CADM2: variants seen among roughly 807,000 people sequenced by gnomAD.
CADM2 encodes immunoglobulin superfamily member 4D.
A neutral mutation model predicts 49.8 loss-of-function variants in CADM2; 12 were observed. The observed-to-expected ratio is 0.24, with a 90% CI of 0.15 to 0.39. The LOEUF (loss-of-function observed/expected upper bound fraction) is 0.39, where lower values mean the gene tolerates loss of function less well. CADM2 is among the 10% of genes least tolerant of loss of function. The pLI is 1.00. For missense variants in CADM2, 378 were observed against 492.3 expected (o/e 0.77, Z 2.20); for synonymous variants, 214 against 175.4 (o/e 1.22, Z -1.74).
intron 1 of CADM2, among the ~76,000 whole-genome samples, chr3:85,205,064 C>T (rs567285963): frequency 6.7e-6 from 1 of 148,580 alleles, no homozygotes; most frequent in South Asian, 2.1e-4. Context: ...GTCACCTAGG[C>T]TGGAGTGCAG....
At chr3:86,008,000 A>C (rs1731000469) in intron 8 of CADM2, among the ~76,000 whole-genome samples, 2 of 152,212 alleles carry the variant, frequency 1.3e-5, no homozygotes, top group Admixed American at 1.3e-4. Context: ...ATTTGAAAGC[A>C]AATTTTCCTA....
intron 1 of CADM2, among the ~76,000 whole-genome samples, chr3:85,394,527 GC>G (rs2034674507): frequency 6.6e-6 from 1 of 151,960 alleles, no homozygotes; most frequent in African/African-American, 2.4e-5. Context: ...AATTGTAAAA[GC>G]AATAACTCCT....
chr3:85,344,363 G>C (rs2030320476), intron 1 of CADM2, among the ~76,000 whole-genome samples: 1 of 149,626 alleles, frequency 6.7e-6, no homozygotes, highest in Admixed American at 6.8e-5. Context: ...CCCAGCGACA[G>C]AGTGAGACAC....
At chr3:85,607,808 C>A (rs991830762) in intron 1 of CADM2, among the ~76,000 whole-genome samples, 4 of 151,922 alleles carry the variant, frequency 2.6e-5, no homozygotes, top group African/African-American at 9.7e-5. Context: ...AGGCACAGGC[C>A]ACCATGCCCA....
chr3:84,978,755 C>G (rs1484957149), intron 1 of CADM2, among the ~76,000 whole-genome samples: 1 of 152,090 alleles, frequency 6.6e-6, no homozygotes, highest in African/African-American at 2.4e-5. Flanking sequence ...GGAATTATAA[C>G]TGAATTATAT....
chr3:85,700,083 C>G (rs1192106194), intron 1 of CADM2, among the ~76,000 whole-genome samples: 1 of 152,144 alleles, frequency 6.6e-6, no homozygotes, highest in East Asian at 1.9e-4. Context: ...TTGGAACCAA[C>G]CCAAACATCC....
chr3:85,849,811 T>C (rs2075024028), intron 3 of CADM2, among the ~76,000 whole-genome samples: 2 of 152,156 alleles, frequency 1.3e-5, no homozygotes, highest in South Asian at 4.1e-4. Context: ...AAATGCTAGA[T>C]TTAAAAGTAC....
chr3:85,179,446 T>C (rs900486508), intron 1 of CADM2, among the ~76,000 whole-genome samples: 1 of 151,790 alleles, frequency 6.6e-6, no homozygotes, highest in Non-Finnish European at 1.5e-5. Flanking sequence ...TGGTTTTTGC[T>C]TTTTTTTGGT....
At chr3:85,246,331 GAT>G (rs2042645039) in intron 1 of CADM2, among the ~76,000 whole-genome samples, 1 of 151,890 alleles carries the variant, frequency 6.6e-6, no homozygotes, top group Non-Finnish European at 1.5e-5. Context: ...AGCATTAGGA[GAT>G]ATACCTAATG....
chr3:85,987,323 A>G (rs915195118), intron 8 of CADM2, among the ~76,000 whole-genome samples: 1 of 151,866 alleles, frequency 6.6e-6, no homozygotes, highest in Admixed American at 6.6e-5. Context: ...TTATTTCTTC[A>G]GCTTCCATCA....
intron 3 of CADM2, among the ~76,000 whole-genome samples, chr3:85,836,511 G>A (rs1265239485): frequency 1.3e-5 from 2 of 151,550 alleles, no homozygotes; most frequent in Non-Finnish European, 3.0e-5. Context: ...TTAAAATGTG[G>A]AAATTACTCT....
chr3:85,814,905 A>G (rs1476540574), intron 3 of CADM2, among the ~76,000 whole-genome samples: 1 of 152,050 alleles, frequency 6.6e-6, no homozygotes, highest in African/African-American at 2.4e-5. Flanking sequence ...CTATGCAGGT[A>G]TATAGAATAT....
At chr3:85,658,969 T>C (rs1314623589) in intron 1 of CADM2, among the ~76,000 whole-genome samples, 1 of 150,884 alleles carries the variant, frequency 6.6e-6, no homozygotes. Context: ...GGAAGATCAA[T>C]TAAGACCAGG....
chr3:85,672,503 C>T (rs1013604194), intron 1 of CADM2, among the ~76,000 whole-genome samples: 3 of 152,030 alleles, frequency 2.0e-5, no homozygotes, highest in South Asian at 4.1e-4. Context: ...AATACTGATA[C>T]TCAGTGGCTT....
At chr3:85,055,461 GGT>G (rs1168369715) in intron 1 of CADM2, among the ~76,000 whole-genome samples, 1 of 151,932 alleles carries the variant, frequency 6.6e-6, no homozygotes, top group Non-Finnish European at 1.5e-5. Context: ...TTAGAAAGTT[GGT>G]GTCATCATCA....
At chr3:85,357,217 C>T (rs12498010) in intron 1 of CADM2, among the ~76,000 whole-genome samples, 41,516 of 151,990 alleles carry the variant, frequency 0.27, 5,990 homozygotes, top group South Asian at 0.34. Flanking sequence ...ATCGCCCTTA[C>T]TAGCAAACTG....
At chr3:85,133,625 T>C (rs1266190780) in intron 1 of CADM2, among the ~76,000 whole-genome samples, 1 of 137,642 alleles carries the variant, frequency 7.3e-6, no homozygotes, top group African/African-American at 2.8e-5. Context: ...AGTAGCTAGA[T>C]ACAGAGTGTC....
intron 1 of CADM2, among the ~76,000 whole-genome samples, chr3:85,041,607 G>A (rs1380315831): frequency 6.6e-6 from 1 of 152,102 alleles, no homozygotes; most frequent in Non-Finnish European, 1.5e-5. Context: ...CTAACTTCAA[G>A]GAGTGAGGAT....
intron 8 of CADM2, among the ~76,000 whole-genome samples, chr3:86,002,008 G>A (rs74775913): frequency 6.6e-6 from 1 of 152,034 alleles, no homozygotes; most frequent in African/African-American, 2.4e-5. Flanking sequence ...ACCAGTGGAT[G>A]GGAACAGATG....
Sources: allele counts gnomAD v4.1 joint callset (sites outside exome capture counted in the v4.1 genomes callset), GRCh38; gene constraint gnomAD v4.1.1; transcripts MANE v1.5; gene names NCBI Gene and HGNC (gene_info 2026-07-23, HGNC 2026-07-21).